The following NOS1AP variants were observed in gnomAD, a reference collection of about 807,000 sequenced individuals.
NOS1AP encodes the protein nitric oxide synthase 1 adaptor protein.
NOS1AP carries 21 observed loss-of-function variants against 56.2 expected under a neutral mutation model. The ratio of observed to expected loss-of-function variants is 0.37; its 90% CI spans 0.26 to 0.54. NOS1AP has a LOEUF of 0.54. Ranked by LOEUF, NOS1AP falls within the 20% of genes least tolerant of loss-of-function variation. NOS1AP has a pLI of 0.84. For missense variants in NOS1AP, 522 were observed against 657.8 expected, an observed-to-expected ratio of 0.79 and a Z score of 2.26; for synonymous variants, 270 against 274.6, an observed-to-expected ratio of 0.98 and a Z score of 0.17.
At position 162,369,595 on chromosome 1, in the gene NOS1AP, G is replaced by C. The variant is rs1647313697; in HGVS notation, c.*2128G>C. Reference sequence around the variant, plus strand: ...GAGGAAGGCCGCTTCTAAATGGCCTGTAAAAACTTGAGATTGGATAGACGA... The same window carrying C: ...GAGGAAGGCCGCTTCTAAATGGCCTCTAAAAACTTGAGATTGGATAGACGA... On this transcript the variant is annotated 3_prime_UTR_variant, in exon 10 of 10. Transcript: ENST00000361897. The C allele has an allele frequency of 6.6e-6, 1 of 152,410 alleles. No individual in the cohort carries two copies. The highest frequency in any genetic ancestry group is 1.5e-5 in the Non-Finnish European group (1 of 68,168). 9.4% of individuals were successfully genotyped at this position (152,410 alleles called of 1,614,324 possible).
chr1:162,076,345 C>G (rs1415262), intron 1 of NOS1AP, among the ~76,000 whole-genome samples: 74,008 of 151,962 alleles, frequency 0.49, 21,259 homozygotes, highest in Non-Finnish European at 0.65. Context: ...TGGAAAAGAC[C>G]ATTTATATAT....
At chr1:162,310,476 G>A (rs1655988149) in intron 4 of NOS1AP, among the ~76,000 whole-genome samples, 1 of 152,232 alleles carries the variant, frequency 6.6e-6, no homozygotes, top group African/African-American at 2.4e-5. Flanking sequence ...TTCTGGGCCA[G>A]CCCATCTGGC....
At chr1:162,273,908 T>A (rs1654663195) in intron 2 of NOS1AP, among the ~76,000 whole-genome samples, 1 of 152,202 alleles carries the variant, frequency 6.6e-6, no homozygotes, top group Non-Finnish European at 1.5e-5. Flanking sequence ...ATTTTCCTTT[T>A]TATTTTTGAG....
chr1:162,308,669 C>T (rs1224494950), intron 4 of NOS1AP, among the ~76,000 whole-genome samples: 3 of 152,168 alleles, frequency 2.0e-5, no homozygotes, highest in Non-Finnish European at 4.4e-5. Context: ...ATCTTACCAT[C>T]GTGCTGCTGT....
chr1:162,105,667 AAAG>A (rs1171832036), intron 1 of NOS1AP, among the ~76,000 whole-genome samples: 1 of 152,220 alleles, frequency 6.6e-6, no homozygotes, highest in Non-Finnish European at 1.5e-5. Context: ...GGTCCTGCTT[AAAG>A]AAGAAGTCTG....
chr1:162,173,076 G>T (rs1650877915), intron 2 of NOS1AP, among the ~76,000 whole-genome samples: 1 of 152,084 alleles, frequency 6.6e-6, no homozygotes, highest in Non-Finnish European at 1.5e-5. Context: ...CCACAGGTGG[G>T]TGCTACCATG....
At chr1:162,154,510 G>C (rs770488816) in intron 2 of NOS1AP, 34 bp downstream of exon 2, 8 of 1,607,082 alleles carry the variant, frequency 5.0e-6, no homozygotes, top group Non-Finnish European at 6.0e-6. Flanking sequence ...GTGGAGCGGG[G>C]AGTCAAGTGC....
chr1:162,081,774 A>ATTTTTTTTTTTTTTTTT (rs59767273), intron 1 of NOS1AP, among the ~76,000 whole-genome samples: 3 of 44,056 alleles, frequency 6.8e-5, no homozygotes, highest in African/African-American at 7.6e-5. Flanking sequence ...ATATATATAT[A>ATTTTTTTTTTTTTTTTT]TTTTTTTTTT....
rs114010317 is a variant in NOS1AP, at chr1:162,229,038, A to G, written c.178-58306A>G. ...TAAACTAAATGGAAATTCTGGAACT[A>G]AAATTTTCCTGGGAGCAGGTAATAT... On this transcript the variant is annotated intron_variant, in intron 2 of 9. Coordinates refer to ENST00000361897, the MANE Select transcript of NOS1AP (RefSeq NM_014697.3). Among the ~76,000 whole-genome samples the G allele has an allele frequency of 2.7e-3, 404 of 152,378 alleles. 1 individual carries two copies. The highest frequency in any genetic ancestry group is 9.4e-3 in the African/African-American group (390 of 41,592).
chr1:162,173,816 G>A (rs1377921857), intron 2 of NOS1AP, among the ~76,000 whole-genome samples: 8 of 151,996 alleles, frequency 5.3e-5, no homozygotes, highest in African/African-American at 1.9e-4. Flanking sequence ...ATGAAAAAAT[G>A]CTCACTGGCC....
At chr1:162,242,107 A>G (rs1653505592) in intron 2 of NOS1AP, among the ~76,000 whole-genome samples, 1 of 152,204 alleles carries the variant, frequency 6.6e-6, no homozygotes, top group African/African-American at 2.4e-5. Context: ...CTATTTATTG[A>G]ACATCTACAA....
At chr1:162,340,523 T>C (rs10800465) in intron 5 of NOS1AP, among the ~76,000 whole-genome samples, 42,331 of 152,212 alleles carry the variant, frequency 0.28, 6,295 homozygotes, top group East Asian at 0.53. Flanking sequence ...CTTAATTGCC[T>C]CTTGGTGCAG....
At chr1:162,196,782 A>G (rs958557600) in intron 2 of NOS1AP, among the ~76,000 whole-genome samples, 1 of 152,214 alleles carries the variant, frequency 6.6e-6, no homozygotes, top group South Asian at 2.1e-4. Flanking sequence ...TTACAGATTG[A>G]TATAGGGGTT....
chr1:162,199,636 GTGTGTC>G (rs1168363486), intron 2 of NOS1AP, among the ~76,000 whole-genome samples: 4 of 124,100 alleles, frequency 3.2e-5, no homozygotes, highest in Non-Finnish European at 5.1e-5. Flanking sequence ...GTGTGTGTGT[GTGTGTC>G]TGTGTGTAAA....
chr1:162,283,969 C>T (rs1655013829), intron 2 of NOS1AP, among the ~76,000 whole-genome samples: 1 of 152,228 alleles, frequency 6.6e-6, no homozygotes, highest in Non-Finnish European at 1.5e-5. Context: ...GTTTGTTCTT[C>T]AGCCCCTGGC....
chr1:162,251,602 A>ATG (rs35955567), intron 2 of NOS1AP, among the ~76,000 whole-genome samples: 2,383 of 146,260 alleles, frequency 0.016, 15 homozygotes, highest in African/African-American at 0.025. Flanking sequence ...AAATATATAT[A>ATG]TGTGTGTGTG....
At chr1:162,329,884 A>T (rs142891206) in intron 4 of NOS1AP, among the ~76,000 whole-genome samples, 112 of 152,366 alleles carry the variant, frequency 7.4e-4, no homozygotes, top group Admixed American at 1.6e-3. Context: ...TTTAATAACA[A>T]CACGCTAAGT....
rs1407198060 is a variant in NOS1AP at position 162,188,792 on chromosome 1, G to A, written c.177+34316G>A. 3.3e-5 allele frequency among the ~76,000 whole-genome samples: 5 copies of A among 152,150 alleles called. No homozygotes were observed. The highest frequency in any genetic ancestry group is 9.7e-5 in the African/African-American group (4 of 41,430). On this transcript the variant is annotated intron_variant, in intron 2 of 9. Coordinates refer to ENST00000361897, the MANE Select transcript of NOS1AP (RefSeq NM_014697.3). This position sits in a 1 kb window ranked among gnomAD's most constrained non-coding sequence, Gnocchi z 4.0. ...TTTTAGGCTGAGCACGGTGGCTCAC[G>A]CCTGTAATCCCAGCACTTTCGGAGG... is the stretch of plus-strand genomic sequence containing the variant.
intron 2 of NOS1AP, among the ~76,000 whole-genome samples, chr1:162,269,647 A>C (rs1387847048): frequency 6.6e-6 from 1 of 152,220 alleles, no homozygotes; most frequent in East Asian, 1.9e-4. Flanking sequence ...AAAATGACAT[A>C]TTGTTATGGA....
Sources: allele counts gnomAD v4.1 joint callset (sites outside exome capture counted in the v4.1 genomes callset), GRCh38; gene constraint gnomAD v4.1.1; non-coding constraint Gnocchi (gnomAD v3.1); transcripts MANE v1.5; gene names NCBI Gene and HGNC (gene_info 2026-07-23, HGNC 2026-07-21).